The following OSBPL1A variants were observed in gnomAD, a reference collection of about 807,000 sequenced individuals.
OSBPL1A encodes the protein oxysterol binding protein like 1A, also known as oxysterol-binding protein-related protein 1.
Under a neutral mutation model 137.1 loss-of-function variants are expected in OSBPL1A, and 80 were observed. The ratio of observed to expected loss-of-function variants is 0.58; its 90% CI spans 0.49 to 0.70. The LOEUF is 0.70. Ranked by LOEUF, OSBPL1A falls within the 30% of genes least tolerant of loss-of-function variation. The pLI is 0.00. For missense variants in OSBPL1A, 970 were observed against 1,129.4 expected, an observed-to-expected ratio of 0.86 and a Z score of 2.02; for synonymous variants, 365 against 389.7, an observed-to-expected ratio of 0.94 and a Z score of 0.75.
chr18:24,211,245 G>A (rs1034130896), intron 17 of OSBPL1A, among the ~76,000 whole-genome samples: 1 of 152,110 alleles, frequency 6.6e-6, no homozygotes, highest in Non-Finnish European at 1.5e-5. Flanking sequence ...GGGATTTACG[G>A]GCATAAGCCA....
At chr18:24,321,011 A>G (rs926383098) in intron 7 of OSBPL1A, among the ~76,000 whole-genome samples, 1 of 146,902 alleles carries the variant, frequency 6.8e-6, no homozygotes, top group African/African-American at 2.6e-5. Flanking sequence ...CTGGGGAACA[A>G]GAGCAAGACT....
rs529191796 is a variant in OSBPL1A, at chr18:24,268,930, T to C, written c.1281+11912A>G. On this transcript the variant is annotated intron_variant, in intron 15 of 27. Coordinates refer to ENST00000319481, the MANE Select transcript of OSBPL1A (RefSeq NM_080597.4). The stretch of plus-strand genomic sequence containing the variant: ...TAGCATGTCCAAAAGGCAACTCATC[T>C]TTCCACATTCCCTCAATTCCCTACC... 6.6e-5 allele frequency among the ~76,000 whole-genome samples: 10 copies of C among 152,330 alleles called. No homozygotes were observed. The South Asian group carries it at 2.1e-3, about 32-fold the overall frequency.
rs71163675 is a variant in OSBPL1A, at chr18:24,332,385, C to CAAAAAAAAAA, written c.625+547_625+556dup. Among the ~76,000 whole-genome samples the CAAAAAAAAAA allele has an allele frequency of 7.0e-4, 37 of 53,060 alleles. 2 individuals carry two copies. The highest frequency in any genetic ancestry group is 3.1e-3 in the African/African-American group (33 of 10,734). 34.8% of individuals were successfully genotyped at this position (53,060 alleles called of 152,430 possible). ...TGGGCAACAGAGAGAGACTCTGTCT[C>CAAAAAAAAAA]AAAAAAAAAAAAAAAAAAAAAAAAA... On this transcript the variant is annotated intron_variant, in intron 7 of 27. Coordinates refer to ENST00000319481, the MANE Select transcript of OSBPL1A (RefSeq NM_080597.4).
At chr18:24,226,079 A>G (rs939262699) in intron 16 of OSBPL1A, among the ~76,000 whole-genome samples, 1 of 152,348 alleles carries the variant, frequency 6.6e-6, no homozygotes, top group African/African-American at 2.4e-5. Context: ...TCAGGCAGGC[A>G]TTCTTAGGAT....
At chr18:24,164,045 TC>T (rs1298240145) in intron 27 of OSBPL1A, among the ~76,000 whole-genome samples, 2 of 152,088 alleles carry the variant, frequency 1.3e-5, no homozygotes, top group Admixed American at 6.6e-5. Flanking sequence ...CTCTTAAACT[TC>T]CATTTTACAG....
intron 15 of OSBPL1A, among the ~76,000 whole-genome samples, chr18:24,268,161 G>A (rs1008183269): frequency 1.3e-5 from 2 of 151,994 alleles, no homozygotes; most frequent in Non-Finnish European, 2.9e-5. Context: ...TGTCACCCAG[G>A]TTGGAATGCA....
intron 15 of OSBPL1A, among the ~76,000 whole-genome samples, chr18:24,247,732 A>G (rs140692595): frequency 0.057 from 8,719 of 152,094 alleles, 270 homozygotes; most frequent in Middle Eastern, 0.075. Flanking sequence ...TGGCCTCCCA[A>G]AGTGCTGGGA....
At chr18:24,259,217 T>C (rs2089377637) in intron 15 of OSBPL1A, among the ~76,000 whole-genome samples, 1 of 152,116 alleles carries the variant, frequency 6.6e-6, no homozygotes, top group African/African-American at 2.4e-5. Context: ...TAAAATTACA[T>C]CTTTTTAACT....
intron 17 of OSBPL1A, among the ~76,000 whole-genome samples, chr18:24,204,128 G>A (rs912911102): frequency 6.6e-6 from 1 of 152,174 alleles, no homozygotes; most frequent in Non-Finnish European, 1.5e-5. Flanking sequence ...TGCTTTTGGA[G>A]AAGCTTTTAA....
At chr18:24,226,089 T>C (rs2088068531) in intron 16 of OSBPL1A, among the ~76,000 whole-genome samples, 1 of 152,220 alleles carries the variant, frequency 6.6e-6, no homozygotes, top group Admixed American at 6.5e-5. Context: ...ATTCTTAGGA[T>C]GGAAAGGTCA....
chr18:24,331,428 G>A (rs1041425250), intron 7 of OSBPL1A, among the ~76,000 whole-genome samples: 26 of 143,100 alleles, frequency 1.8e-4, no homozygotes, highest in South Asian at 4.4e-4. Context: ...ACAGAGTCTC[G>A]CTCTGTCGCC....
At chr18:24,395,019 G>A (rs1907639812) in intron 1 of OSBPL1A, among the ~76,000 whole-genome samples, 2 of 152,146 alleles carry the variant, frequency 1.3e-5, no homozygotes, top group South Asian at 2.1e-4. Flanking sequence ...TAGAGACCAA[G>A]AACATCACAT....
chr18:24,250,497 C>T (rs1278957555), intron 15 of OSBPL1A, among the ~76,000 whole-genome samples: 1 of 152,156 alleles, frequency 6.6e-6, no homozygotes, highest in East Asian at 1.9e-4. Flanking sequence ...TTTCTAGACA[C>T]ATCCTGGGCC....
intron 18 of OSBPL1A, among the ~76,000 whole-genome samples, chr18:24,192,359 C>A (rs1288964129): frequency 2.0e-5 from 3 of 152,094 alleles, no homozygotes; most frequent in Non-Finnish European, 1.5e-5. Context: ...AAAGGGGAAA[C>A]AAGCAGAAAG....
chr18:24,167,195 C>T (rs1226448889), intron 25 of OSBPL1A, 134 bp downstream of exon 25: 15 of 754,106 alleles, frequency 2.0e-5, no homozygotes, highest in Middle Eastern at 3.6e-4. Context: ...AGGGAGCACC[C>T]GGGAGCCAGT....
intron 3 of OSBPL1A, 123 bp from the exon 4 acceptor site, chr18:24,367,089 T>G: frequency 1.4e-6 from 1 of 731,174 alleles, no homozygotes; most frequent in Non-Finnish European, 2.0e-6. Context: ...GTACTAACAA[T>G]AAATTAAATT....
chr18:24,229,670 T>C (rs761406511), intron 16 of OSBPL1A, among the ~76,000 whole-genome samples: 5 of 152,190 alleles, frequency 3.3e-5, no homozygotes, highest in Non-Finnish European at 7.3e-5. Context: ...AGCCTATCCA[T>C]AGAAGTTATT....
At chr18:24,306,823 T>C (rs185946450) in intron 13 of OSBPL1A, among the ~76,000 whole-genome samples, 1 of 152,338 alleles carries the variant, frequency 6.6e-6, no homozygotes, top group African/African-American at 2.4e-5. Context: ...ATTTCAATAT[T>C]AATTCAAACT....
chr18:24,165,406 G>A (rs936821706), intron 26 of OSBPL1A, among the ~76,000 whole-genome samples: 1 of 152,152 alleles, frequency 6.6e-6, no homozygotes, highest in Non-Finnish European at 1.5e-5. Context: ...CAAGAACAAC[G>A]TGTTTATTCT....
Sources: gnomAD v4.1 joint callset for allele counts (sites outside exome capture counted in the v4.1 genomes callset) on GRCh38, gnomAD v4.1.1 for gene constraint, MANE v1.5 for transcripts, NCBI Gene and HGNC (gene_info 2026-07-23, HGNC 2026-07-21) for gene names.